Variants in NUP205 observed in about 807,000 individuals in gnomAD.
The protein encoded by NUP205 is nucleoporin 205, also known as nuclear pore complex protein Nup205.
A neutral mutation model predicts 253.8 loss-of-function variants in NUP205; 76 were observed. That is an observed-to-expected ratio of 0.30 (90% CI 0.25 to 0.36). The LOEUF (loss-of-function observed/expected upper bound fraction) is 0.36. Ranked by LOEUF, NUP205 falls within the 10% of genes least tolerant of loss-of-function variation. The pLI is 1.00. For synonymous variants in NUP205, 832 were observed against 850.1 expected, an observed-to-expected ratio of 0.98 and a Z score of 0.37; for missense variants, 2,162 against 2,425.5, an observed-to-expected ratio of 0.89 and a Z score of 2.28.
chr7:135,636,805 A>G (rs1435225507), intron 36 of NUP205, among the ~76,000 whole-genome samples: 1 of 152,148 alleles, frequency 6.6e-6, no homozygotes, highest in East Asian at 1.9e-4. Context: ...CAGGAGTTTG[A>G]GACCAGCCTG....
At chr7:135,562,762 G>C (rs985164336) in intron 1 of NUP205, among the ~76,000 whole-genome samples, 1 of 151,834 alleles carries the variant, frequency 6.6e-6, no homozygotes, top group African/African-American at 2.4e-5. Context: ...GGCCAGGATG[G>C]TCTTGATCTC....
At chr7:135,568,050 C>A (rs771145751) in intron 1 of NUP205, among the ~76,000 whole-genome samples, 1 of 149,980 alleles carries the variant, frequency 6.7e-6, no homozygotes, top group Non-Finnish European at 1.5e-5. Context: ...AATGGTGAAG[C>A]CCCATCTCTA....
chr7:135,570,658 ATAT>A (rs557846941), intron 1 of NUP205, among the ~76,000 whole-genome samples: 23 of 126,980 alleles, frequency 1.8e-4, no homozygotes, highest in African/African-American at 6.7e-4. Context: ...ATCATTTATT[ATAT>A]TAATATAATT....
At chr7:135,579,198 T>TA (rs1554458282) in intron 7 of NUP205, among the ~76,000 whole-genome samples, 13 of 93,568 alleles carry the variant, frequency 1.4e-4, no homozygotes, top group African/African-American at 4.9e-4. Context: ...GTCACATTAA[T>TA]TTTTTTTTTT....
chr7:135,563,484 G>A (rs746368854), intron 1 of NUP205, among the ~76,000 whole-genome samples: 10 of 152,146 alleles, frequency 6.6e-5, no homozygotes, highest in Middle Eastern at 3.4e-3. Flanking sequence ...CACTGTGCCC[G>A]GCCAGATTTT....
rs71539414 is a variant in NUP205, at chr7:135,588,314, T to C, written c.1473+322T>C. ...CACCACCACACCCGGCTAGTTTTTG[T>C]ATTTTTTGTAGAGATGGGGTTTTGC... On this transcript the variant is annotated intron_variant, in intron 10 of 42. Transcript: ENST00000285968. 0.059 allele frequency among the ~76,000 whole-genome samples: 8,943 copies of C among 150,638 alleles called. 601 individuals are homozygous for C. The highest frequency in any genetic ancestry group is 0.088 in the Non-Finnish European group (5,919 of 67,498).
At chr7:135,565,395 C>G (rs1345700491) in intron 1 of NUP205, among the ~76,000 whole-genome samples, 1 of 151,858 alleles carries the variant, frequency 6.6e-6, no homozygotes, top group Non-Finnish European at 1.5e-5. Context: ...CCTTTTCTTC[C>G]TCCTGTACTG....
At chr7:135,609,660 AG>A (rs1794182947) in intron 22 of NUP205, among the ~76,000 whole-genome samples, 1 of 151,978 alleles carries the variant, frequency 6.6e-6, no homozygotes, top group Non-Finnish European at 1.5e-5. Flanking sequence ...AAAAAAAAAA[AG>A]AAATGCATCA....
At chr7:135,607,021 G>A in intron 21 of NUP205, 106 bp downstream of exon 21, 2 of 1,263,866 alleles carry the variant, frequency 1.6e-6, no homozygotes, top group South Asian at 2.8e-5. Flanking sequence ...AAGAAAAAGT[G>A]TAAGAAAGGT....
intron 1 of NUP205, 140 bp downstream of exon 1, chr7:135,558,112 C>T: frequency 1.4e-6 from 1 of 722,344 alleles, no homozygotes; most frequent in Non-Finnish European, 2.5e-6. Flanking sequence ...GGCCTAGAGT[C>T]CCACCCCTCC....
At chr7:135,647,058 C>T (rs745568376) in intron 42 of NUP205, among the ~76,000 whole-genome samples, 13 of 152,208 alleles carry the variant, frequency 8.5e-5, no homozygotes, top group Non-Finnish European at 1.8e-4. Context: ...CAACACTGTG[C>T]TCTTACTAAC....
intron 1 of NUP205, among the ~76,000 whole-genome samples, chr7:135,566,573 T>C (rs576049256): frequency 1.8e-4 from 28 of 152,242 alleles, no homozygotes; most frequent in Non-Finnish European, 2.8e-4. Flanking sequence ...GTAAGGAAGA[T>C]CTAGACATGC....
intron 4 of NUP205, 130 bp from the exon 5 acceptor site, chr7:135,576,839 G>A (rs1214311794): frequency 1.4e-5 from 11 of 791,412 alleles, no homozygotes; most frequent in South Asian, 9.7e-5. Flanking sequence ...CCATGATCAC[G>A]CCACTGCACT....
At chr7:135,602,478 G>C (rs57263269) in intron 17 of NUP205, among the ~76,000 whole-genome samples, 1 of 152,164 alleles carries the variant, frequency 6.6e-6, no homozygotes, top group Non-Finnish European at 1.5e-5. Context: ...AATGTGCCCT[G>C]GGGCTCAGCC....
At chr7:135,605,237 G>A (rs1235153472) in intron 19 of NUP205, among the ~76,000 whole-genome samples, 1 of 151,994 alleles carries the variant, frequency 6.6e-6, no homozygotes, top group Non-Finnish European at 1.5e-5. Context: ...GGCTGGTCTC[G>A]AATTCTAGAG....
At chr7:135,635,906 A>G (rs1794801510) in intron 36 of NUP205, among the ~76,000 whole-genome samples, 1 of 152,202 alleles carries the variant, frequency 6.6e-6, no homozygotes, top group Admixed American at 6.5e-5. Context: ...CTTCCATCAT[A>G]CAATGTATAC....
chr7:135,558,099 C>A (rs911344467), intron 1 of NUP205, 127 bp downstream of exon 1: 1 of 822,368 alleles, frequency 1.2e-6, no homozygotes, highest in Non-Finnish European at 2.1e-6. Flanking sequence ...TTCCCTAATT[C>A]TGGGCCTAGA....
Position 135,574,518 on chromosome 7 carries a change from G to T in NUP205, c.343+693G>T, listed in dbSNP as rs376335834. On this transcript the variant is annotated intron_variant, in intron 3 of 42. Transcript: ENST00000285968. ...CTATTGGGTAAGGCTTTTCCGGGGA[G>T]AGCAAGCAGCCAGTGCTTGAGGTGG... is the stretch of plus-strand genomic sequence containing the variant. Among the ~76,000 whole-genome samples, 18 of 152,218 alleles carry T rather than the reference G, an allele frequency of 1.2e-4. No individual in the cohort carries two copies. The East Asian group carries it at 3.5e-3, about 29-fold the overall frequency.
chr7:135,570,421 G>T (rs1175732772), intron 1 of NUP205, among the ~76,000 whole-genome samples: 2 of 151,344 alleles, frequency 1.3e-5, no homozygotes, highest in African/African-American at 2.4e-5. Context: ...CACCATGTTG[G>T]CCAGGTTGGT....
Sources: allele counts gnomAD v4.1 joint callset (sites outside exome capture counted in the v4.1 genomes callset), GRCh38; gene constraint gnomAD v4.1.1; transcripts MANE v1.5; gene names NCBI Gene and HGNC (gene_info 2026-07-23, HGNC 2026-07-21).